SYNJ2: variants seen among roughly 807,000 people sequenced by gnomAD.
The protein encoded by SYNJ2 is synaptojanin 2, also known as polyphosphatidylinositol phosphatase SYNJ2.
SYNJ2 carries 116 observed loss-of-function variants against 141.3 expected under a neutral mutation model. That is an observed-to-expected ratio of 0.82 (90% CI 0.71 to 0.96). SYNJ2 has a LOEUF of 0.96. Among genes scored for constraint, SYNJ2 ranks in the 40% least tolerant of loss-of-function variants. The pLI, the probability that SYNJ2 is intolerant of heterozygous loss-of-function variation, is 0.00. For synonymous variants in SYNJ2, 745 were observed against 777.7 expected, an observed-to-expected ratio of 0.96 and a Z score of 0.70; for missense variants, 1,873 against 1,934.8, an observed-to-expected ratio of 0.97 and a Z score of 0.60.
intron 16 of SYNJ2, among the ~76,000 whole-genome samples, chr6:158,075,111 T>C (rs151120260): frequency 0.01 from 1,545 of 152,044 alleles, 30 homozygotes; most frequent in African/African-American, 0.035. Flanking sequence ...TTTGTATTTT[T>C]AGTAGAGACG....
chr6:157,995,431 G>C (rs1289306284), intron 1 of SYNJ2, among the ~76,000 whole-genome samples: 1 of 152,096 alleles, frequency 6.6e-6, no homozygotes, highest in African/African-American at 2.4e-5. Flanking sequence ...CCACTCTGCT[G>C]GGCCCTCCTA....
chr6:158,024,523 G>C (rs939169362), intron 2 of SYNJ2, among the ~76,000 whole-genome samples: 2 of 152,104 alleles, frequency 1.3e-5, no homozygotes, highest in Non-Finnish European at 2.9e-5. Context: ...GCCAATAGCA[G>C]GTACACTGGT....
At position 158,071,513 on chromosome 6, in the gene SYNJ2, C is replaced by G. The variant is rs1385550376; in HGVS notation, c.1941-89C>G. The G allele has an allele frequency of 1.4e-6, 2 of 1,457,996 alleles. No individual in the cohort carries two copies. Among genetic ancestry groups the G allele is most frequent in the African/African-American group, 2.8e-5 (2 of 71,046 alleles). 90.3% of individuals were successfully genotyped at this position (1,457,996 alleles called of 1,614,324 possible). A position where few individuals can be genotyped will look rare whatever the true frequency, so the allele number is the denominator to read the frequency against. On this transcript the variant is annotated intron_variant, in intron 14 of 26. Transcript: ENST00000355585. The surrounding 1 kb of genome is among the most constrained non-coding windows in gnomAD (Gnocchi z 4.3). ...TTGGAGCACTCAGAGCAGCAGGTCC[C>G]GAGCTGCTGCTGGGCCCTTCTCTGT... is the stretch of plus-strand genomic sequence containing the variant.
At chr6:158,083,379 G>A (rs752439046) in intron 20 of SYNJ2, 50 bp from the exon 21 acceptor site, 2 of 1,594,408 alleles carry the variant, frequency 1.3e-6, no homozygotes, top group East Asian at 2.2e-5. Context: ...TGATCAACAG[G>A]AGGGGTCATG....
intron 26 of SYNJ2, among the ~76,000 whole-genome samples, chr6:158,094,387 G>A (rs1327929188): frequency 8.6e-6 from 1 of 116,680 alleles, no homozygotes; most frequent in Non-Finnish European, 1.6e-5. Flanking sequence ...ATTAGCCTAC[G>A]GCTGGGCAAA....
chr6:158,059,548 T>C (rs1781080179), intron 7 of SYNJ2, 195 bp downstream of exon 7: 2 of 1,334,554 alleles, frequency 1.5e-6, no homozygotes, highest in African/African-American at 3.0e-5. Flanking sequence ...GTGAGTGTAA[T>C]TTCTTTTCTT....
intron 5 of SYNJ2, among the ~76,000 whole-genome samples, chr6:158,046,386 A>G (rs1344460653): frequency 6.6e-6 from 1 of 152,218 alleles, no homozygotes; most frequent in African/African-American, 2.4e-5. Context: ...TCATCTTCAC[A>G]GGGGGCCGGG....
chr6:158,070,462 G>T lies in SYNJ2; in HGVS notation c.1940+789G>T. The T allele has an allele frequency of 1.0e-6, 1 of 985,488 alleles. No homozygotes were observed. The highest frequency in any genetic ancestry group is 1.2e-6 in the Non-Finnish European group (1 of 830,016). The allele number at this position is 985,488 out of a possible 1,614,324, so 61.0% of individuals were successfully genotyped here. On this transcript the variant is annotated intron_variant, in intron 14 of 26. Coordinates refer to ENST00000355585, the MANE Select transcript of SYNJ2 (RefSeq NM_003898.4). The surrounding 1 kb of genome is among the most constrained non-coding windows in gnomAD (Gnocchi z 4.0). ...TGTTTAGGTCCCTGTCCCTCTGCTT[G>T]TGTTATTTGGGCAGCTTGGCAGTGT...
At chr6:157,996,799 A>T (rs1167384427) in intron 1 of SYNJ2, among the ~76,000 whole-genome samples, 1 of 152,154 alleles carries the variant, frequency 6.6e-6, no homozygotes, top group Admixed American at 6.5e-5. Flanking sequence ...CTGCCATGTA[A>T]GTTGCCTATT....
chr6:158,048,784 C>A (rs890653013), intron 5 of SYNJ2, among the ~76,000 whole-genome samples: 4 of 152,100 alleles, frequency 2.6e-5, no homozygotes, highest in African/African-American at 7.2e-5. Context: ...ATTCTCCCAT[C>A]GTGGCCACTT....
At chr6:158,032,079 A>AAG (rs1450979438) in intron 3 of SYNJ2, among the ~76,000 whole-genome samples, 1 of 152,086 alleles carries the variant, frequency 6.6e-6, no homozygotes, top group Non-Finnish European at 1.5e-5. Flanking sequence ...TTTTTCAAGC[A>AAG]GAGGAGCGCT....
chr6:158,093,026 G>T lies in SYNJ2; in HGVS notation c.3666G>T (p.Gln1222His), dbSNP rs760626351. 1 of 1,612,694 alleles carries T rather than the reference G, an allele frequency of 6.2e-7. No homozygotes were observed. Residue 1222 changes from glutamine to histidine, a missense_variant, in exon 26 of 27, where the codon CAG becomes CAT. By Grantham distance (24) the Gln-to-His change is conservative. Coordinates refer to ENST00000355585, the MANE Select transcript of SYNJ2 (RefSeq NM_003898.4). ...GGGCAGCCAAACCAGAGACCCCACA[G>T]GCGCCCCCACTCCTTCCCCGTCGGC... ...TPGAAKPETP[Q>H]APPLLPRRPP... is the part of the protein sequence containing the mutation.
intron 5 of SYNJ2, among the ~76,000 whole-genome samples, chr6:158,048,912 G>A (rs1037724529): frequency 6.6e-6 from 1 of 152,202 alleles, no homozygotes; most frequent in African/African-American, 2.4e-5. Flanking sequence ...AGGGCTGCAA[G>A]AGGTAGAGAC....
At chr6:158,093,447 AAAC>A in intron 26 of SYNJ2, among the ~76,000 whole-genome samples, 1 of 103,748 alleles carries the variant, frequency 9.6e-6, no homozygotes, top group African/African-American at 4.2e-5. Flanking sequence ...AAAAAAAAAA[AAAC>A]AAAAAAAAAA....
chr6:158,062,365 C>A, intron 8 of SYNJ2: 1 of 465,354 alleles, frequency 2.1e-6, no homozygotes, highest in Non-Finnish European at 2.8e-6. Flanking sequence ...AGCTTGGCGA[C>A]GCCGGGAATC....
chr6:158,058,793 T>C (rs529263545), intron 6 of SYNJ2, among the ~76,000 whole-genome samples: 4 of 152,190 alleles, frequency 2.6e-5, no homozygotes, highest in South Asian at 2.1e-4. Flanking sequence ...ATTAGCCAGA[T>C]GTGGTGGCAT....
At chr6:158,039,735 C>T (rs1359143818) in intron 4 of SYNJ2, among the ~76,000 whole-genome samples, 2 of 152,164 alleles carry the variant, frequency 1.3e-5, no homozygotes, top group Non-Finnish European at 2.9e-5. Context: ...AAGTGGCAGG[C>T]TCTGCATCTC....
chr6:158,032,243 C>T (rs1195695885), intron 3 of SYNJ2, among the ~76,000 whole-genome samples: 2 of 152,118 alleles, frequency 1.3e-5, no homozygotes, highest in African/African-American at 4.8e-5. Context: ...GGCCTGAGAG[C>T]AGGAAGCTTG....
In SYNJ2 at chr6:158,043,649, C is replaced by G. The variant is rs1780077029; in HGVS notation, c.795+250C>G. On this transcript the variant is annotated intron_variant, in intron 5 of 26. Coordinates refer to ENST00000355585, the MANE Select transcript of SYNJ2 (RefSeq NM_003898.4). The surrounding 1 kb of genome is among the most constrained non-coding windows in gnomAD (Gnocchi z 4.0). ...GGTCGTCAAGGATGCTGTGTGAAAC[C>G]GCTGACTCGGGAACGGTGCTGCGGT... 6.6e-6 allele frequency among the ~76,000 whole-genome samples: 1 copy of G among 152,194 alleles called. No individual in the cohort carries two copies. Among genetic ancestry groups the G allele is most frequent in the African/African-American group, 2.4e-5 (1 of 41,454 alleles).
Sources: allele counts gnomAD v4.1 joint callset (sites outside exome capture counted in the v4.1 genomes callset), GRCh38; gene constraint gnomAD v4.1.1; non-coding constraint Gnocchi (gnomAD v3.1); transcripts MANE v1.5; gene names NCBI Gene and HGNC (gene_info 2026-07-23, HGNC 2026-07-21).